TMTC2: variants seen among roughly 807,000 people sequenced by gnomAD.
TMTC2 encodes protein O-mannosyl-transferase TMTC2.
In TMTC2, 43 loss-of-function variants were observed where a neutral mutation model predicts 82.4. That is an observed-to-expected ratio of 0.52 (90% CI 0.41 to 0.67). TMTC2 has a LOEUF of 0.67. TMTC2 is among the 30% of genes least tolerant of loss of function. The probability of loss-of-function intolerance (pLI) is 0.00; values close to 1 mark genes in which losing one functional copy is unlikely to be tolerated. For synonymous variants in TMTC2, 408 were observed against 381.9 expected (o/e 1.07, Z -0.80); for missense variants, 919 against 1,012.4 (o/e 0.91, Z 1.25).
At chr12:82,856,936 T>G (rs576551192) in intron 1 of TMTC2, 74 bp from the exon 2 acceptor site, 1 of 1,381,260 alleles carries the variant, frequency 7.2e-7, no homozygotes, top group Admixed American at 2.0e-5. Flanking sequence ...AGAAAGGCAG[T>G]ATCTTATCAA....
chr12:83,076,143 G>T (rs1424345308), intron 11 of TMTC2, among the ~76,000 whole-genome samples: 2 of 151,944 alleles, frequency 1.3e-5, no homozygotes, highest in Non-Finnish European at 2.9e-5. Flanking sequence ...CCAGGCTTGG[G>T]GTATTGTTAT....
intron 1 of TMTC2, among the ~76,000 whole-genome samples, chr12:82,793,259 T>G (rs1300962582): frequency 2.6e-5 from 4 of 152,120 alleles, no homozygotes; most frequent in Non-Finnish European, 2.9e-5. Flanking sequence ...CAAAATAATA[T>G]TTAACATTTT....
chr12:82,832,670 A>G (rs1038734383), intron 1 of TMTC2, among the ~76,000 whole-genome samples: 4 of 152,206 alleles, frequency 2.6e-5, no homozygotes, highest in Non-Finnish European at 2.9e-5. Flanking sequence ...GAAAGGCACA[A>G]ATCTTCACTA....
chr12:82,753,953 C>T (rs762593055), intron 1 of TMTC2, among the ~76,000 whole-genome samples: 20 of 152,128 alleles, frequency 1.3e-4, no homozygotes, highest in African/African-American at 2.4e-4. Context: ...TAGTAGGTCA[C>T]GTTTTTCCAG....
intron 1 of TMTC2, among the ~76,000 whole-genome samples, chr12:82,693,728 G>A (rs958354833): frequency 1.7e-5 from 2 of 117,838 alleles, no homozygotes; most frequent in Non-Finnish European, 3.8e-5. Flanking sequence ...CTAGCACTTT[G>A]GGAGGCCGAG....
intron 11 of TMTC2, among the ~76,000 whole-genome samples, chr12:83,118,795 T>G (rs1884853782): frequency 6.6e-6 from 1 of 152,088 alleles, no homozygotes; most frequent in Non-Finnish European, 1.5e-5. Context: ...GGACCTGGAC[T>G]TTTTTTGTCA....
In TMTC2 at chr12:82,986,041, C is replaced by CT; in HGVS notation, c.2066dup (p.Thr690AsnfsTer4). The stretch of plus-strand genomic sequence containing the variant: ...TCTCACCTATGGGAAGCTGCTAGCT[C>CT]TAACAGTGAGTAACCGCCTTCCTTG... On this transcript the variant is annotated frameshift_variant, in exon 8 of 12. Transcript: ENST00000321196. LOFTEE classifies it high-confidence loss of function. 6.2e-7 allele frequency: 1 copy of CT among 1,613,990 alleles called. No homozygotes were observed. The highest frequency in any genetic ancestry group is 8.5e-7 in the Non-Finnish European group (1 of 1,179,902).
At chr12:83,013,863 C>T (rs1015579689) in intron 8 of TMTC2, among the ~76,000 whole-genome samples, 1 of 152,230 alleles carries the variant, frequency 6.6e-6, no homozygotes, top group East Asian at 1.9e-4. Flanking sequence ...AGACAGTGGA[C>T]CTTTTGGAAA....
intron 7 of TMTC2, among the ~76,000 whole-genome samples, chr12:82,971,263 A>G (rs1012608577): frequency 1.3e-5 from 2 of 152,088 alleles, no homozygotes; most frequent in African/African-American, 4.8e-5. Context: ...TGTGTTACCT[A>G]AACTATCATA....
intron 1 of TMTC2, among the ~76,000 whole-genome samples, chr12:82,838,642 G>A (rs906334140): frequency 2.0e-5 from 3 of 152,202 alleles, no homozygotes; most frequent in African/African-American, 7.2e-5. Context: ...CATTCCAGAT[G>A]AATCCATTGC....
chr12:82,804,221 A>G (rs1305020968), intron 1 of TMTC2, among the ~76,000 whole-genome samples: 2 of 152,126 alleles, frequency 1.3e-5, no homozygotes, highest in Non-Finnish European at 2.9e-5. Flanking sequence ...AGTCAATAGC[A>G]TGAAATGTTT....
intron 2 of TMTC2, among the ~76,000 whole-genome samples, chr12:82,875,778 G>A (rs549139128): frequency 6.6e-6 from 1 of 151,576 alleles, no homozygotes. Flanking sequence ...TGGTGTTAGG[G>A]CACTTGATTT....
intron 1 of TMTC2, among the ~76,000 whole-genome samples, chr12:82,826,203 C>G (rs553759608): frequency 1.3e-5 from 2 of 152,210 alleles, no homozygotes; most frequent in East Asian, 3.9e-4. Flanking sequence ...GTGGTTTGAG[C>G]TTTGACAACA....
intron 1 of TMTC2, among the ~76,000 whole-genome samples, chr12:82,769,144 A>T (rs1274367951): frequency 6.6e-6 from 1 of 151,536 alleles, no homozygotes; most frequent in East Asian, 1.9e-4. Flanking sequence ...AGTGGCCACG[A>T]GAATCTAGCA....
At chr12:82,992,954 T>A (rs1879459439) in intron 8 of TMTC2, among the ~76,000 whole-genome samples, 1 of 152,170 alleles carries the variant, frequency 6.6e-6, no homozygotes, top group Admixed American at 6.5e-5. Flanking sequence ...TTCAGCTATA[T>A]CTACATATAT....
intron 2 of TMTC2, among the ~76,000 whole-genome samples, chr12:82,868,699 CTTT>C (rs59925659): frequency 2.3e-5 from 3 of 132,740 alleles, no homozygotes; most frequent in Middle Eastern, 3.5e-3. Flanking sequence ...AAGTCTCTCT[CTTT>C]TTTTTTTTTT....
At chr12:82,987,419 C>CAAA (rs1236293175) in intron 8 of TMTC2, among the ~76,000 whole-genome samples, 3 of 35,532 alleles carry the variant, frequency 8.4e-5, no homozygotes, top group Admixed American at 2.7e-4. Context: ...GACTCCATCT[C>CAAA]AAAAAAAAAA....
chr12:82,939,873 A>G (rs557839782), intron 4 of TMTC2, among the ~76,000 whole-genome samples: 2 of 152,254 alleles, frequency 1.3e-5, no homozygotes, highest in African/African-American at 4.8e-5. Context: ...AACTTGACCC[A>G]TAGACTTCTT....
At chr12:83,033,483 C>T (rs888492079) in intron 9 of TMTC2, among the ~76,000 whole-genome samples, 12 of 152,060 alleles carry the variant, frequency 7.9e-5, no homozygotes, top group African/African-American at 2.2e-4. Flanking sequence ...TCGGGCACGG[C>T]GGCTCACGCC....
Sources: allele counts gnomAD v4.1 joint callset (sites outside exome capture counted in the v4.1 genomes callset), GRCh38; gene constraint gnomAD v4.1.1; transcripts MANE v1.5; gene names NCBI Gene and HGNC (gene_info 2026-07-23, HGNC 2026-07-21).